The following GRIA1 variants were observed in gnomAD, a reference collection of about 807,000 sequenced individuals.
GRIA1 encodes glutamate ionotropic receptor AMPA type subunit 1.
In GRIA1, 31 loss-of-function variants were observed where a neutral mutation model predicts 99.2. The ratio of observed to expected loss-of-function variants is 0.31; its 90% CI spans 0.23 to 0.42. GRIA1 has a LOEUF of 0.42. GRIA1 is among the 10% of genes least tolerant of loss of function. The pLI is 1.00. For synonymous variants in GRIA1, 438 were observed against 432.4 expected (o/e 1.01, Z -0.16); for missense variants, 782 against 1,157.5 (o/e 0.68, Z 4.71).
intron 2 of GRIA1, among the ~76,000 whole-genome samples, chr5:153,573,058 T>C (rs1718551632): frequency 6.6e-6 from 1 of 152,114 alleles, no homozygotes. Context: ...CCACGTTGAG[T>C]GACAACCCAA....
At chr5:153,588,682 A>G (rs1399015839) in intron 2 of GRIA1, among the ~76,000 whole-genome samples, 2 of 152,222 alleles carry the variant, frequency 1.3e-5, no homozygotes, top group African/African-American at 2.4e-5. Context: ...TAATTAAATA[A>G]AGCCTTGAGC....
chr5:153,528,239 TC>T (rs1377016814), intron 2 of GRIA1, among the ~76,000 whole-genome samples: 2 of 152,200 alleles, frequency 1.3e-5, no homozygotes, highest in African/African-American at 4.8e-5. Flanking sequence ...TGAATAAATG[TC>T]TTTTAAATTT....
intron 7 of GRIA1, among the ~76,000 whole-genome samples, chr5:153,685,693 C>A (rs1243224304): frequency 6.6e-6 from 1 of 152,154 alleles, no homozygotes; most frequent in Non-Finnish European, 1.5e-5. Context: ...CTTTCAATTG[C>A]CAAGTATTTT....
chr5:153,519,707 A>G (rs559915689), intron 2 of GRIA1, among the ~76,000 whole-genome samples: 1 of 152,294 alleles, frequency 6.6e-6, no homozygotes, highest in East Asian at 1.9e-4. Flanking sequence ...CAAAGGAAAG[A>G]CAGTCCTAGA....
At chr5:153,710,424 T>C (rs1449099142) in intron 11 of GRIA1, among the ~76,000 whole-genome samples, 1 of 152,126 alleles carries the variant, frequency 6.6e-6, no homozygotes, top group Non-Finnish European at 1.5e-5. Flanking sequence ...GGTTTCCCTA[T>C]GCTGCCCAAG....
At position 153,761,095 on chromosome 5, in the gene GRIA1, G is replaced by A. The variant is rs149369193; in HGVS notation, c.1824-3339G>A. On this transcript the variant is annotated intron_variant, in intron 11 of 15. Transcript: ENST00000285900. ...AGTACAAGATAAAAACAGGGGAAAC[G>A]TTTCATGATAGTGGTCTGGGCAAGG... 8.4e-3 allele frequency among the ~76,000 whole-genome samples: 1,285 copies of A among 152,128 alleles called. 7 individuals carry two copies. Among genetic ancestry groups the A allele is most frequent in the South Asian group, 0.014 (66 of 4,820 alleles).
chr5:153,689,111 C>T (rs1461359415), intron 8 of GRIA1, among the ~76,000 whole-genome samples: 4 of 152,004 alleles, frequency 2.6e-5, no homozygotes, highest in Non-Finnish European at 5.9e-5. Context: ...TCACTATAAC[C>T]TCAAACTCCT....
rs1360618289 is a variant in GRIA1, at chr5:153,526,391, CTAAGCTTA to C, written c.220+32329_220+32336del. Among the ~76,000 whole-genome samples the C allele has an allele frequency of 7.2e-5, 11 of 152,306 alleles. 1 individual carries two copies. The highest frequency in any genetic ancestry group is 3.4e-3 in the Middle Eastern group (1 of 294). ...ATGTATATTTTAAAGGACTCATATT[CTAAGCTTA>C]TACTCTTTTTTTGTTCAAATACCTT... is the stretch of plus-strand genomic sequence containing the variant. On this transcript the variant is annotated intron_variant, in intron 2 of 15. Coordinates refer to ENST00000285900, the MANE Select transcript of GRIA1 (RefSeq NM_000827.4).
chr5:153,750,659 G>C (rs1762452080), intron 11 of GRIA1, among the ~76,000 whole-genome samples: 1 of 152,120 alleles, frequency 6.6e-6, no homozygotes, highest in African/African-American at 2.4e-5. Flanking sequence ...CCAGGTTGCT[G>C]CTCCTCACAC....
At chr5:153,702,782 A>G (rs563633068) in intron 10 of GRIA1, among the ~76,000 whole-genome samples, 1 of 152,342 alleles carries the variant, frequency 6.6e-6, no homozygotes, top group South Asian at 2.1e-4. Flanking sequence ...CATTGTCCTA[A>G]GATGTCAGTT....
At chr5:153,721,821 G>A (rs1171550067) in intron 11 of GRIA1, among the ~76,000 whole-genome samples, 1 of 152,186 alleles carries the variant, frequency 6.6e-6, no homozygotes, top group Non-Finnish European at 1.5e-5. Context: ...GGGCTGCTGT[G>A]AAGATTCTTG....
chr5:153,624,293 C>T (rs1767365829), intron 2 of GRIA1, among the ~76,000 whole-genome samples: 1 of 152,196 alleles, frequency 6.6e-6, no homozygotes, highest in East Asian at 1.9e-4. Context: ...TCTCTCTAAC[C>T]GTGACTCAGC....
At chr5:153,531,125 G>A (rs1758060739) in intron 2 of GRIA1, among the ~76,000 whole-genome samples, 1 of 152,206 alleles carries the variant, frequency 6.6e-6, no homozygotes, top group Admixed American at 6.5e-5. Flanking sequence ...TGGGATAATA[G>A]TGGGGAAAAA....
At chr5:153,606,767 C>T (rs1765473190) in intron 2 of GRIA1, among the ~76,000 whole-genome samples, 2 of 151,618 alleles carry the variant, frequency 1.3e-5, no homozygotes, top group South Asian at 4.2e-4. Context: ...CTTTTTTCTA[C>T]AGTTTTTCTT....
chr5:153,648,346 G>A (rs1445617919), intron 3 of GRIA1, among the ~76,000 whole-genome samples: 1 of 152,082 alleles, frequency 6.6e-6, no homozygotes, highest in Non-Finnish European at 1.5e-5. Flanking sequence ...CTGGAGGCCT[G>A]GAAGTAATAA....
chr5:153,552,166 A>C (rs137875205), intron 2 of GRIA1, among the ~76,000 whole-genome samples: 4 of 152,090 alleles, frequency 2.6e-5, no homozygotes, highest in Non-Finnish European at 5.9e-5. Context: ...AGGAAGAGAG[A>C]AGAAAATTGA....
chr5:153,495,264 G>A (rs1754302510), intron 2 of GRIA1, among the ~76,000 whole-genome samples: 1 of 152,288 alleles, frequency 6.6e-6, no homozygotes. Context: ...ACTGACTACA[G>A]CCCATGTAAT....
chr5:153,783,157 G>T (rs961899348), intron 13 of GRIA1, among the ~76,000 whole-genome samples: 1 of 152,170 alleles, frequency 6.6e-6, no homozygotes, highest in African/African-American at 2.4e-5. Context: ...CGGACCTGCT[G>T]GCCTCCCCTG....
At chr5:153,562,387 G>A (rs950804291) in intron 2 of GRIA1, among the ~76,000 whole-genome samples, 2 of 152,226 alleles carry the variant, frequency 1.3e-5, no homozygotes, top group Non-Finnish European at 2.9e-5. Context: ...CAATTAGCAC[G>A]ACCTATTTTG....
Sources: allele counts gnomAD v4.1 joint callset (sites outside exome capture counted in the v4.1 genomes callset), GRCh38; gene constraint gnomAD v4.1.1; transcripts MANE v1.5; gene names NCBI Gene and HGNC (gene_info 2026-07-23, HGNC 2026-07-21).